Variants in GIN1 observed in about 807,000 individuals in gnomAD.
GIN1 encodes the protein gypsy retrotransposon integrase-like protein 1.
GIN1 carries 41 observed loss-of-function variants against 51.4 expected under a neutral mutation model. The ratio of observed to expected loss-of-function variants is 0.80; its 90% confidence interval spans 0.62 to 1.04. The LOEUF is 1.04. Among genes scored for constraint, GIN1 ranks in the 50% least tolerant of loss-of-function variants. The probability of loss-of-function intolerance (pLI) is 0.00; values close to 1 mark genes in which losing one functional copy is unlikely to be tolerated. For synonymous variants in GIN1, 222 were observed against 206.5 expected, an observed-to-expected ratio of 1.07 and a Z score of -0.64; for missense variants, 610 against 612.4, an observed-to-expected ratio of 1.00 and a Z score of 0.04.
At position 103,113,489 on chromosome 5, in the gene GIN1, T is replaced by C. The variant is rs139838634; in HGVS notation, c.-7-4775A>G. ...AATCCCATTAATGAGAGCTCTGACCTATGATCAAGTCACCTCCTCAAAGTT... is the reference window on the plus strand; with the variant it reads ...AATCCCATTAATGAGAGCTCTGACCCATGATCAAGTCACCTCCTCAAAGTT... On this transcript the variant is annotated intron_variant, in intron 1 of 7. Transcript: ENST00000399004. 4.8e-3 allele frequency among the ~76,000 whole-genome samples: 731 copies of C among 151,592 alleles called. 6 individuals are homozygous for C. The highest frequency in any genetic ancestry group is 0.017 in the African/African-American group (716 of 41,366).
chr5:103,104,476 A>C (rs1399895288), intron 4 of GIN1, 65 bp downstream of exon 4: 1 of 741,232 alleles, frequency 1.3e-6, no homozygotes, highest in Non-Finnish European at 2.3e-6. Context: ...TGCAGAGGGC[A>C]CTGGTTCTGG....
chr5:103,096,999 C>T (rs557802839), intron 6 of GIN1, among the ~76,000 whole-genome samples, 173 bp from the exon 7 acceptor site: 1 of 152,302 alleles, frequency 6.6e-6, no homozygotes, highest in Non-Finnish European at 1.5e-5. Flanking sequence ...TTAGCTCCTA[C>T]TTTATATAGA....
At position 103,108,920 on chromosome 5, in the gene GIN1, C is replaced by T. The variant is rs541671084; in HGVS notation, c.-7-206G>A. Among the ~76,000 whole-genome samples the T allele has an allele frequency of 6.6e-5, 10 of 151,976 alleles. No individual in the cohort carries two copies. In the East Asian group the frequency reaches 1.9e-3, roughly 29 times the overall value. On this transcript the variant is annotated intron_variant, in intron 1 of 7. Coordinates refer to ENST00000399004, the MANE Select transcript of GIN1 (RefSeq NM_017676.2). ...ATGCTATTTTTGATATACCCCATGA[C>T]AAATTATCTTGTCTCTTTCCATTTG... is the stretch of plus-strand genomic sequence containing the variant.
intron 7 of GIN1, 150 bp downstream of exon 7, chr5:103,096,391 A>T (rs1787393106): frequency 3.2e-6 from 2 of 626,472 alleles, no homozygotes; most frequent in Non-Finnish European, 5.5e-6. Flanking sequence ...ACTGTAATAA[A>T]ACAGACTACC....
At chr5:103,110,814 T>C (rs181040778) in intron 1 of GIN1, among the ~76,000 whole-genome samples, 72 of 152,346 alleles carry the variant, frequency 4.7e-4, no homozygotes, top group African/African-American at 1.6e-3. Flanking sequence ...AGCCACTAAA[T>C]GGAAACAGTA....
intron 2 of GIN1, among the ~76,000 whole-genome samples, chr5:103,107,609 AT>A (rs1245571601): frequency 6.6e-6 from 1 of 152,106 alleles, no homozygotes; most frequent in Non-Finnish European, 1.5e-5. Context: ...AACACTCCTT[AT>A]TTTTTAGAAT....
chr5:103,097,608 G>T lies in GIN1; in HGVS notation c.813C>A (p.Ala271=). The T allele has an allele frequency of 6.2e-7, 1 of 1,606,448 alleles. No homozygotes were observed. ...CACATACCAAGTGAGTTACATTGAA[G>T]GCAAATGAAACAGCTGATAGGTGAT... ...WDDHLSAVSF[A]FNVTHLEPTK... is the part of the protein sequence containing the mutation. The change falls in exon 5 of 8, where the codon GCC becomes GCA. Residue 271 remains alanine (A), a synonymous_variant. Coordinates refer to ENST00000399004, the MANE Select transcript of GIN1 (RefSeq NM_017676.2).
intron 1 of GIN1, among the ~76,000 whole-genome samples, chr5:103,109,311 T>C (rs1787810600): frequency 6.6e-6 from 1 of 152,076 alleles, no homozygotes; most frequent in Non-Finnish European, 1.5e-5. Context: ...TTCTGTTTCC[T>C]GCTAGGATTC....
intron 1 of GIN1, among the ~76,000 whole-genome samples, chr5:103,115,484 C>G (rs1554197302): frequency 6.6e-6 from 1 of 151,950 alleles, no homozygotes; most frequent in Non-Finnish European, 1.5e-5. Context: ...TACATACAGA[C>G]AGAAAGAATA....
intron 1 of GIN1, among the ~76,000 whole-genome samples, chr5:103,114,455 T>C (rs1226422536): frequency 1.3e-5 from 2 of 152,360 alleles, no homozygotes; most frequent in Admixed American, 1.3e-4. Context: ...TCTGAAGCTC[T>C]GGCTTAGGGA....
intron 1 of GIN1, among the ~76,000 whole-genome samples, chr5:103,111,533 G>C (rs1241008834): frequency 1.3e-5 from 2 of 152,040 alleles, no homozygotes; most frequent in African/African-American, 4.8e-5. Context: ...TCCTTTTAGA[G>C]ACCAGTAAAG....
At chr5:103,091,033 T>G (rs1415135105) in intron 7 of GIN1, among the ~76,000 whole-genome samples, 1 of 152,200 alleles carries the variant, frequency 6.6e-6, no homozygotes, top group East Asian at 1.9e-4. Flanking sequence ...TTTATACACA[T>G]AGAAAACCAC....
At chr5:103,110,849 C>T (rs929864907) in intron 1 of GIN1, among the ~76,000 whole-genome samples, 5 of 152,114 alleles carry the variant, frequency 3.3e-5, no homozygotes, top group South Asian at 2.1e-4. Flanking sequence ...TTTTACCATG[C>T]GTATACTCTG....
chr5:103,087,819 T>C lies in GIN1; in HGVS notation c.*79A>G. The C allele has an allele frequency of 4.9e-6, 3 of 613,522 alleles. No homozygotes were observed. Among genetic ancestry groups the C allele is most frequent in the Non-Finnish European group, 8.3e-6 (3 of 359,730 alleles). The allele number at this position is 613,522 out of a possible 1,614,324, so 38.0% of individuals were successfully genotyped here. ...TAAGAATGTGTCAAGATACTTCTTC[T>C]ATACAACGTTTTTAATGAATAAGAT... On this transcript the variant is annotated 3_prime_UTR_variant, in exon 8 of 8. Coordinates refer to ENST00000399004, the MANE Select transcript of GIN1 (RefSeq NM_017676.2).
At chr5:103,118,611 G>C (rs1788155941) in intron 1 of GIN1, among the ~76,000 whole-genome samples, 1 of 152,148 alleles carries the variant, frequency 6.6e-6, no homozygotes, top group African/African-American at 2.4e-5. Context: ...TCTGGAGGTA[G>C]AGAGACAGAT....
Position 103,096,812 on chromosome 5 carries a change from A to G in GIN1, c.1023T>C (p.Asn341=), listed in dbSNP as rs1554195137. 3.1e-6 allele frequency: 5 copies of G among 1,590,818 alleles called. No individual in the cohort carries two copies. The highest frequency in any genetic ancestry group is 4.3e-6 in the Non-Finnish European group (5 of 1,160,448). The change falls in exon 7 of 8, where the codon AAT becomes AAC. Residue 341 remains asparagine (N), a synonymous_variant. Coordinates refer to ENST00000399004, the MANE Select transcript of GIN1 (RefSeq NM_017676.2). ...TCTTGCTTTTATTTAGTTCATCCAAATTGTTGTTCTCCATCTACAAGTGTA... is the reference window on the plus strand; with the variant it reads ...TCTTGCTTTTATTTAGTTCATCCAAGTTGTTGTTCTCCATCTACAAGTGTA... The part of the protein sequence containing the change: ...TTSLGQMENN[N]LDELNKSKII...
chr5:103,099,456 A>T (rs1330070887), intron 4 of GIN1, among the ~76,000 whole-genome samples: 1 of 152,144 alleles, frequency 6.6e-6, no homozygotes, highest in Non-Finnish European at 1.5e-5. Flanking sequence ...TGATATACAT[A>T]CTAATTCAGG....
chr5:103,101,600 C>T (rs1787576857), intron 4 of GIN1, among the ~76,000 whole-genome samples: 1 of 152,148 alleles, frequency 6.6e-6, no homozygotes. Context: ...GTATTATCTG[C>T]TTTCACTGCA....
chr5:103,114,040 A>G lies in GIN1; in HGVS notation c.-7-5326T>C, dbSNP rs555985509. Among the ~76,000 whole-genome samples the G allele has an allele frequency of 4.7e-3, 714 of 152,292 alleles. 4 individuals carry two copies. The highest frequency in any genetic ancestry group is 6.0e-3 in the Non-Finnish European group (410 of 68,028). ...CCACAGTTCTTCAACCATCCCATGC[A>G]GTGTGCTCACACCTTTTCATTGATA... On this transcript the variant is annotated intron_variant, in intron 1 of 7. Coordinates refer to ENST00000399004, the MANE Select transcript of GIN1 (RefSeq NM_017676.2).
Sources: allele counts gnomAD v4.1 joint callset (sites outside exome capture counted in the v4.1 genomes callset), GRCh38; gene constraint gnomAD v4.1.1; transcripts MANE v1.5; gene names NCBI Gene and HGNC (gene_info 2026-07-23, HGNC 2026-07-21).